The following MSH3 variants were observed in gnomAD, a reference collection of about 807,000 sequenced individuals.
MSH3 encodes mutS homolog 3, also known as DNA mismatch repair protein Msh3.
In MSH3, 106 loss-of-function variants were observed where a neutral mutation model predicts 123.3. The observed-to-expected ratio is 0.86, with a 90% CI of 0.73 to 1.01. The LOEUF (loss-of-function observed/expected upper bound fraction) is 1.01. MSH3 is among the 50% of genes least tolerant of loss of function. The pLI, the probability that MSH3 is intolerant of heterozygous loss-of-function variation, is 0.00. For missense variants in MSH3, 1,459 were observed against 1,347.6 expected, an observed-to-expected ratio of 1.08 and a Z score of -1.29; for synonymous variants, 515 against 481.4, an observed-to-expected ratio of 1.07 and a Z score of -0.91.
chr5:80,853,115 G>A (rs1339288202), intron 20 of MSH3, among the ~76,000 whole-genome samples: 1 of 152,070 alleles, frequency 6.6e-6, no homozygotes, highest in Non-Finnish European at 1.5e-5. Context: ...AGGTGCTCTG[G>A]AAGACATTTC....
intron 20 of MSH3, among the ~76,000 whole-genome samples, chr5:80,823,359 A>C (rs1056371072): frequency 5.3e-5 from 8 of 152,176 alleles, no homozygotes; most frequent in Admixed American, 6.5e-5. Flanking sequence ...ACTGTCTGAC[A>C]ACTCTTTTTT....
intron 20 of MSH3, among the ~76,000 whole-genome samples, chr5:80,839,416 T>G (rs1436983748): frequency 2.6e-5 from 4 of 152,182 alleles, no homozygotes; most frequent in Admixed American, 2.6e-4. Context: ...GTCTTCACAC[T>G]GTATATCTGG....
chr5:80,862,421 G>T (rs1479759828), intron 21 of MSH3, among the ~76,000 whole-genome samples: 1 of 152,080 alleles, frequency 6.6e-6, no homozygotes, highest in Admixed American at 6.5e-5. Context: ...CCAGATAGAG[G>T]TTTCCAGAAT....
intron 9 of MSH3, among the ~76,000 whole-genome samples, chr5:80,728,190 GATAT>G (rs1039480985): frequency 2.8e-4 from 43 of 152,300 alleles, no homozygotes; most frequent in African/African-American, 9.9e-4. Flanking sequence ...CTAATGATCT[GATAT>G]ACATTTTAAA....
chr5:80,824,307 C>T (rs13179210), intron 20 of MSH3, among the ~76,000 whole-genome samples: 23,945 of 151,792 alleles, frequency 0.16, 1,987 homozygotes, highest in East Asian at 0.24. Flanking sequence ...GACGGGGTGG[C>T]GGCTGGGCGG....
intron 7 of MSH3, among the ~76,000 whole-genome samples, chr5:80,678,528 C>A (rs1253668018): frequency 1.3e-5 from 2 of 152,128 alleles, no homozygotes; most frequent in Non-Finnish European, 2.9e-5. Context: ...TTGTACAGTG[C>A]TTTATAGTTT....
chr5:80,655,327 TA>T (rs1006723075), intron 1 of MSH3: 2 of 243,294 alleles, frequency 8.2e-6, no homozygotes, highest in Non-Finnish European at 1.6e-5. Context: ...ACTGATTTTT[TA>T]AAAAAGTGCT....
At chr5:80,714,245 C>G (rs1429901871) in intron 8 of MSH3, among the ~76,000 whole-genome samples, 15 of 146,210 alleles carry the variant, frequency 1.0e-4, no homozygotes, top group Non-Finnish European at 4.5e-5. Flanking sequence ...AAGCGATTCT[C>G]CTGCCTCAGC....
intron 3 of MSH3, among the ~76,000 whole-genome samples, chr5:80,666,109 G>C (rs2112809476): frequency 6.6e-6 from 1 of 152,240 alleles, no homozygotes; most frequent in African/African-American, 2.4e-5. Flanking sequence ...GTCCAGGCTA[G>C]AGTACAGTTG....
chr5:80,822,824 AG>A (rs1745224164), intron 20 of MSH3, among the ~76,000 whole-genome samples: 2 of 152,220 alleles, frequency 1.3e-5, no homozygotes, highest in Non-Finnish European at 2.9e-5. Context: ...GTCTCATGGA[AG>A]ATGCACATCC....
At chr5:80,775,511 A>T (rs1744282210) in intron 15 of MSH3, among the ~76,000 whole-genome samples, 183 bp from the exon 16 acceptor site, 1 of 152,168 alleles carries the variant, frequency 6.6e-6, no homozygotes, top group Non-Finnish European at 1.5e-5. Flanking sequence ...CTTTGTCCCA[A>T]GTAGTGAACC....
At chr5:80,679,326 A>G (rs1749915630) in intron 8 of MSH3, among the ~76,000 whole-genome samples, 1 of 152,108 alleles carries the variant, frequency 6.6e-6, no homozygotes, top group African/African-American at 2.4e-5. Context: ...GAGCCCCGGA[A>G]TCTGAGACCA....
chr5:80,805,590 T>G (rs79378362), intron 19 of MSH3, among the ~76,000 whole-genome samples: 4 of 21,086 alleles, frequency 1.9e-4, no homozygotes, highest in East Asian at 1.5e-3. Context: ...CCCCCCCCCC[T>G]ACCTTTTTTT....
At position 80,674,956 on chromosome 5, in the gene MSH3, T is replaced by C. The variant is rs749860215; in HGVS notation, c.1028-27T>C. The C allele has an allele frequency of 1.3e-6, 2 of 1,482,224 alleles. No homozygotes were observed. The highest frequency in any genetic ancestry group is 2.3e-4 in the Middle Eastern group (1 of 4,266). The allele number at this position is 1,482,224 out of a possible 1,614,324, so 91.8% of individuals were successfully genotyped here. On this transcript the variant is annotated intron_variant, in intron 6 of 23. Coordinates refer to ENST00000265081, the MANE Select transcript of MSH3 (RefSeq NM_002439.5). The stretch of plus-strand genomic sequence containing the variant: ...ATATTAGGATTTAGAATTTAGCATA[T>C]AATTATTTTTCTTTAATTATTATTA...
rs201213527 is a variant in MSH3, at chr5:80,786,109, T to A, written c.2436-1456T>A. 1.5e-3 allele frequency among the ~76,000 whole-genome samples: 225 copies of A among 152,120 alleles called. 2 individuals carry two copies. In the East Asian group the frequency reaches 0.035, roughly 24 times the overall value. ...TATACATATGTAACTAACCTGCACA[T>A]TGTGCACATGTACCCTAAAACTTAA... On this transcript the variant is annotated intron_variant, in intron 17 of 23. Coordinates refer to ENST00000265081, the MANE Select transcript of MSH3 (RefSeq NM_002439.5).
At chr5:80,873,772 A>G (rs1746262722) in intron 23 of MSH3, among the ~76,000 whole-genome samples, 1 of 152,222 alleles carries the variant, frequency 6.6e-6, no homozygotes, top group South Asian at 2.1e-4. Flanking sequence ...TTTTCATTCT[A>G]AACAGGCTGC....
At chr5:80,846,538 T>C (rs1745725216) in intron 20 of MSH3, among the ~76,000 whole-genome samples, 1 of 152,172 alleles carries the variant, frequency 6.6e-6, no homozygotes. Context: ...GCAGTAGGCC[T>C]TGCTGAACTG....
chr5:80,803,994 C>T (rs561909421), intron 19 of MSH3, among the ~76,000 whole-genome samples: 4 of 152,070 alleles, frequency 2.6e-5, no homozygotes, highest in Non-Finnish European at 5.9e-5. Flanking sequence ...AATGTGATTC[C>T]ACCAGTTTTG....
At chr5:80,713,265 T>A (rs918706602) in intron 8 of MSH3, among the ~76,000 whole-genome samples, 8 of 152,244 alleles carry the variant, frequency 5.3e-5, no homozygotes, top group Admixed American at 5.2e-4. Context: ...TTATTGGTTC[T>A]GAAGTTCCCT....
Sources: gnomAD v4.1 joint callset for allele counts (sites outside exome capture counted in the v4.1 genomes callset) on GRCh38, gnomAD v4.1.1 for gene constraint, MANE v1.5 for transcripts, NCBI Gene and HGNC (gene_info 2026-07-23, HGNC 2026-07-21) for gene names.